The following PLA2R1 variants were observed in gnomAD, a reference collection of about 807,000 sequenced individuals.
The protein encoded by PLA2R1 is phospholipase A2 receptor 1, also known as secretory phospholipase A2 receptor.
PLA2R1 carries 158 observed loss-of-function variants against 195.9 expected under a neutral mutation model. The observed-to-expected ratio is 0.81, with a 90% CI of 0.71 to 0.92. The LOEUF is 0.92. PLA2R1 is among the 40% of genes least tolerant of loss of function. The pLI is 0.00. For missense variants in PLA2R1, 1,626 were observed against 1,764.6 expected, an observed-to-expected ratio of 0.92 and a Z score of 1.41; for synonymous variants, 586 against 598.2, an observed-to-expected ratio of 0.98 and a Z score of 0.30.
chr2:160,051,877 C>T (rs1419957833), intron 1 of PLA2R1, among the ~76,000 whole-genome samples: 1 of 152,206 alleles, frequency 6.6e-6, no homozygotes, highest in Non-Finnish European at 1.5e-5. Context: ...TATCTGAAAT[C>T]ATCTGAGTTT....
At chr2:159,952,807 T>C (rs907516627) in intron 23 of PLA2R1, among the ~76,000 whole-genome samples, 3 of 151,946 alleles carry the variant, frequency 2.0e-5, no homozygotes, top group African/African-American at 7.3e-5. Context: ...CCGGTCATAC[T>C]CCCCCCAGTA....
intron 17 of PLA2R1, among the ~76,000 whole-genome samples, chr2:159,971,601 A>T (rs1039856181): frequency 5.3e-5 from 8 of 152,026 alleles, no homozygotes; most frequent in Admixed American, 3.3e-4. Context: ...AAGACCTGTA[A>T]ATCAGTATAC....
chr2:159,943,256 C>G (rs2063438), intron 28 of PLA2R1, among the ~76,000 whole-genome samples: 5 of 152,142 alleles, frequency 3.3e-5, no homozygotes, highest in Non-Finnish European at 7.3e-5. Flanking sequence ...CAGGCGTGAG[C>G]CACCACCCCC....
chr2:159,970,440 T>C (rs1385914320), intron 17 of PLA2R1, among the ~76,000 whole-genome samples: 2 of 152,192 alleles, frequency 1.3e-5, no homozygotes, highest in African/African-American at 4.8e-5. Flanking sequence ...ATAATTTTAG[T>C]TTCATACAAC....
At chr2:159,977,029 A>AT (rs780695643) in intron 15 of PLA2R1, among the ~76,000 whole-genome samples, 7 of 152,156 alleles carry the variant, frequency 4.6e-5, no homozygotes, top group Middle Eastern at 3.2e-3. Context: ...TCAAAGTGAC[A>AT]TTTTTCCCCG....
At chr2:160,061,943 C>A (rs1695983015) in intron 1 of PLA2R1, among the ~76,000 whole-genome samples, 2 of 152,152 alleles carry the variant, frequency 1.3e-5, no homozygotes, top group South Asian at 4.1e-4. Flanking sequence ...AAGCAGCTCT[C>A]AGAAAGTTTC....
chr2:160,057,718 C>T (rs1036096573), intron 1 of PLA2R1, among the ~76,000 whole-genome samples: 3 of 152,200 alleles, frequency 2.0e-5, no homozygotes, highest in African/African-American at 7.2e-5. Flanking sequence ...GACTCTCAGC[C>T]TCTTGGGGCC....
chr2:159,983,238 C>G (rs1231181571), intron 13 of PLA2R1, among the ~76,000 whole-genome samples: 1 of 152,124 alleles, frequency 6.6e-6, no homozygotes, highest in Non-Finnish European at 1.5e-5. Flanking sequence ...CATTCTGAAA[C>G]TGGAAGGAAT....
rs1247663309 is a variant in PLA2R1, at chr2:159,945,067, C to T, written c.3983G>A (p.Trp1328Ter). 3 of 1,610,554 alleles carry T rather than the reference C, an allele frequency of 1.9e-6. No individual in the cohort carries two copies. Among genetic ancestry groups the T allele is most frequent in the Non-Finnish European group, 2.5e-6 (3 of 1,177,842 alleles). ...QFDGNNETIK[W>*]FDGTPTDQSN... is the part of the protein sequence containing the mutation. Reference sequence around the variant, plus strand: ...CTGGTCTGTGGGAGTTCCATCAAACCACTTTATGGTTTCATCTGTGAGAAA... The same window carrying T: ...CTGGTCTGTGGGAGTTCCATCAAACTACTTTATGGTTTCATCTGTGAGAAA... The change falls in exon 28 of 30, where the codon TGG (tryptophan) becomes TAG (stop). Residue 1328 changes from tryptophan (W) to a stop codon, truncating the protein, a stop_gained. Transcript: ENST00000283243. LOFTEE classifies it high-confidence loss of function.
intron 14 of PLA2R1, 82 bp downstream of exon 14, chr2:159,979,748 G>C: frequency 1.4e-6 from 1 of 707,268 alleles, no homozygotes; most frequent in Non-Finnish European, 2.5e-6. Context: ...ATCATTTCTA[G>C]GTTCTCTTGG....
At chr2:159,954,380 T>A (rs1560142229) in intron 23 of PLA2R1, among the ~76,000 whole-genome samples, 1 of 151,904 alleles carries the variant, frequency 6.6e-6, no homozygotes, top group African/African-American at 2.4e-5. Context: ...CTGACCACTA[T>A]AATGTTTAAG....
chr2:160,054,739 T>C (rs1332338628), intron 1 of PLA2R1, among the ~76,000 whole-genome samples: 1 of 152,238 alleles, frequency 6.6e-6, no homozygotes, highest in Non-Finnish European at 1.5e-5. Context: ...AGTGTTTATA[T>C]GGTGTTCTTT....
Position 159,946,894 on chromosome 2 carries a change from C to T in PLA2R1, c.3874G>A (p.Asp1292Asn), listed in dbSNP as rs1312543402. ...AGGAGAAATGCATTTTCAGCCTCAT[C>T]CTTGATTGTTAAAAGATTAGAACCT... The part of the protein sequence containing the change: ...KEGSNLLTIK[D>N]EAENAFLLEE... Residue 1292 changes from aspartate to asparagine, a missense_variant, in exon 27 of 30, where the codon GAT becomes AAT. Transcript: ENST00000283243. 1 of 1,608,792 alleles carries T rather than the reference C, an allele frequency of 6.2e-7. No individual in the cohort carries two copies. The highest frequency in any genetic ancestry group is 8.5e-7 in the Non-Finnish European group (1 of 1,177,200).
rs769449145 is a variant in PLA2R1 at position 160,044,909 on chromosome 2, T to C, written c.358A>G (p.Lys120Glu). The C allele has an allele frequency of 3.7e-6, 6 of 1,614,130 alleles. 1 individual carries two copies. In the South Asian group the frequency reaches 5.5e-5, roughly 15 times the overall value. ...LVSLRWRCNR[K>E]MITGPLQYSV... ...TACTGCAGCGGGCCTGTGATCATCTTCCTGTTACAGCGCCACCGTAAGGAA... is the reference window on the plus strand; with the variant it reads ...TACTGCAGCGGGCCTGTGATCATCTCCCTGTTACAGCGCCACCGTAAGGAA... The change falls in exon 2 of 30, where the codon AAG becomes GAG. Residue 120 changes from lysine (K) to glutamate (E), a missense_variant. Lys to Glu is a moderately conservative substitution (Grantham distance 56, BLOSUM62 1). Transcript: ENST00000283243.
chr2:159,966,478 G>A (rs1162912906), intron 20 of PLA2R1, among the ~76,000 whole-genome samples: 2 of 152,118 alleles, frequency 1.3e-5, no homozygotes. Flanking sequence ...GTGTGAGTAT[G>A]TGATACTTAA....
intron 11 of PLA2R1, among the ~76,000 whole-genome samples, chr2:160,000,676 A>G (rs987049851): frequency 7.2e-5 from 11 of 152,188 alleles, no homozygotes; most frequent in African/African-American, 2.4e-4. Flanking sequence ...GAGAATCTTT[A>G]AAATATGAGT....
At chr2:159,969,488 T>C (rs942891617) in intron 18 of PLA2R1, 129 bp from the exon 19 acceptor site, 5 of 555,814 alleles carry the variant, frequency 9.0e-6, no homozygotes, top group South Asian at 2.6e-5. Context: ...TATACTCATA[T>C]GTAGCATAGT....
At chr2:160,001,629 C>T (rs1436808660) in intron 11 of PLA2R1, among the ~76,000 whole-genome samples, 2 of 151,658 alleles carry the variant, frequency 1.3e-5, no homozygotes, top group Non-Finnish European at 2.9e-5. Context: ...ATGTACTAGG[C>T]CAATACTAAT....
chr2:159,924,733 G>GA, the PLA2R1 span, among the ~76,000 whole-genome samples: 1 of 143,124 alleles, frequency 7.0e-6, no homozygotes, highest in Non-Finnish European at 1.5e-5. Context: ...GGGGGCTGGG[G>GA]GGGGGGCGGT....
Sources: allele counts gnomAD v4.1 joint callset (sites outside exome capture counted in the v4.1 genomes callset), GRCh38; gene constraint gnomAD v4.1.1; transcripts MANE v1.5; gene names NCBI Gene and HGNC (gene_info 2026-07-23, HGNC 2026-07-21).